Variants in ZFHX3 observed in about 807,000 individuals in gnomAD.
ZFHX3 encodes zinc finger homeobox 3.
A neutral mutation model predicts 279.1 loss-of-function variants in ZFHX3; 42 were observed. The observed-to-expected ratio is 0.15, with a 90% CI of 0.12 to 0.19. ZFHX3 has a LOEUF of 0.19. ZFHX3 is among the 10% of genes least tolerant of loss of function. The pLI, the probability that ZFHX3 is intolerant of heterozygous loss-of-function variation, is 1.00. For synonymous variants in ZFHX3, 2,293 were observed against 1,957.8 expected (o/e 1.17, Z -4.52); for missense variants, 4,981 against 4,754.0 (o/e 1.05, Z -1.40).
In ZFHX3 at chr16:73,150,910, G is replaced by A. The variant is rs116158385; in HGVS notation, c.-1103-7079C>T. On this transcript the variant is annotated intron_variant, in intron 5 of 17. Transcript: ENST00000641206. ...AATCACTGGCACAACTCAAGTGTGC[G>A]CGCAGATAAGAAACATGAATACAGT... 3.9e-3 allele frequency among the ~76,000 whole-genome samples: 596 copies of A among 152,220 alleles called. 2 individuals carry two copies. The highest frequency in any genetic ancestry group is 0.014 in the African/African-American group (574 of 41,544).
chr16:73,213,329 C>T (rs2012084901), intron 5 of ZFHX3, among the ~76,000 whole-genome samples: 1 of 152,190 alleles, frequency 6.6e-6, no homozygotes. Context: ...TACTTTGACA[C>T]CCTGCCTCAC....
intron 2 of ZFHX3, among the ~76,000 whole-genome samples, chr16:73,493,427 G>A (rs149435047): frequency 3.9e-4 from 59 of 152,266 alleles, no homozygotes; most frequent in African/African-American, 1.4e-3. Flanking sequence ...CTGAAAGAAA[G>A]CTTCATGTCA....
At chr16:73,757,082 C>T (rs1049313866) in intron 1 of ZFHX3, among the ~76,000 whole-genome samples, 6 of 152,058 alleles carry the variant, frequency 3.9e-5, no homozygotes, top group African/African-American at 1.4e-4. Flanking sequence ...TTCAGTGTCT[C>T]TTCTGAAGAA....
intron 1 of ZFHX3, among the ~76,000 whole-genome samples, chr16:72,980,072 G>A (rs1161136404): frequency 1.3e-5 from 2 of 152,214 alleles, no homozygotes; most frequent in Non-Finnish European, 2.9e-5. Flanking sequence ...GCTTGAGTGT[G>A]AGGCCAGCTA....
intron 1 of ZFHX3, among the ~76,000 whole-genome samples, chr16:73,022,230 A>T (rs1465279946): frequency 6.6e-6 from 1 of 152,034 alleles, no homozygotes; most frequent in African/African-American, 2.4e-5. Context: ...CACACATGGG[A>T]CTCTCAAACA....
At chr16:73,657,491 G>C (rs1398007997) in intron 2 of ZFHX3, among the ~76,000 whole-genome samples, 1 of 152,054 alleles carries the variant, frequency 6.6e-6, no homozygotes, top group Non-Finnish European at 1.5e-5. Context: ...CAATTCATTG[G>C]ATTTTCGTGT....
intron 2 of ZFHX3, among the ~76,000 whole-genome samples, chr16:73,461,815 A>C (rs2018476629): frequency 6.6e-6 from 1 of 152,034 alleles, no homozygotes; most frequent in African/African-American, 2.4e-5. Context: ...GATTCCTCTC[A>C]CTTTATTTTT....
At chr16:73,685,602 C>T (rs573735578) in intron 1 of ZFHX3, among the ~76,000 whole-genome samples, 1 of 152,320 alleles carries the variant, frequency 6.6e-6, no homozygotes, top group South Asian at 2.1e-4. Context: ...TTGTTTTAAG[C>T]CACCAAGTTT....
chr16:72,919,413 G>A (rs1373739972), intron 3 of ZFHX3, among the ~76,000 whole-genome samples: 1 of 152,060 alleles, frequency 6.6e-6, no homozygotes, highest in Non-Finnish European at 1.5e-5. Context: ...TATCTGCCTT[G>A]GCCTCCCAAA....
chr16:73,589,428 G>T (rs892238017), intron 2 of ZFHX3, among the ~76,000 whole-genome samples: 1 of 99,936 alleles, frequency 1.0e-5, no homozygotes, highest in African/African-American at 3.7e-5. Flanking sequence ...AGAGCAAGAC[G>T]CTCTTTCAAA....
intron 1 of ZFHX3, among the ~76,000 whole-genome samples, chr16:72,997,506 T>C (rs1963341330): frequency 6.6e-6 from 1 of 152,092 alleles, no homozygotes; most frequent in African/African-American, 2.4e-5. Context: ...TACACATCTG[T>C]CTCCTCACTT....
intron 8 of ZFHX3, among the ~76,000 whole-genome samples, chr16:73,079,422 G>A (rs1597149705): frequency 6.6e-6 from 1 of 152,102 alleles, no homozygotes; most frequent in Non-Finnish European, 1.5e-5. Flanking sequence ...CTATCTGGGA[G>A]GCTGAGTCAG....
At chr16:73,029,070 G>T (rs1964608229) in intron 1 of ZFHX3, among the ~76,000 whole-genome samples, 1 of 152,058 alleles carries the variant, frequency 6.6e-6, no homozygotes, top group Admixed American at 6.5e-5. Flanking sequence ...CCTTCCTCAA[G>T]CCCAGCAGCA....
At chr16:73,886,360 CA>C (rs1482652270) in intron 1 of ZFHX3, among the ~76,000 whole-genome samples, 1 of 151,974 alleles carries the variant, frequency 6.6e-6, no homozygotes, top group African/African-American at 2.4e-5. Context: ...CAGATAACCT[CA>C]AAAAAGCTTA....
chr16:73,363,220 A>C (rs1162752243), intron 3 of ZFHX3, among the ~76,000 whole-genome samples: 4 of 152,266 alleles, frequency 2.6e-5, no homozygotes, highest in African/African-American at 4.8e-5. Flanking sequence ...AGGGCAGCAG[A>C]AGAACAACTC....
chr16:73,307,791 G>C (rs2015216967), intron 4 of ZFHX3, among the ~76,000 whole-genome samples: 1 of 152,108 alleles, frequency 6.6e-6, no homozygotes, highest in Non-Finnish European at 1.5e-5. Context: ...CTAAAGTTCA[G>C]AGTTTGAAAA....
At chr16:73,278,915 C>T (rs547325545) in intron 4 of ZFHX3, among the ~76,000 whole-genome samples, 2 of 152,200 alleles carry the variant, frequency 1.3e-5, no homozygotes, top group African/African-American at 4.8e-5. Context: ...AGTCCCCTCT[C>T]GACCCAGGAA....
chr16:73,073,043 T>G (rs889054766), intron 8 of ZFHX3, among the ~76,000 whole-genome samples: 1 of 151,676 alleles, frequency 6.6e-6, no homozygotes, highest in East Asian at 2.0e-4. Context: ...ATTACAGGCA[T>G]GCACCACAAT....
chr16:73,111,621 GAGAGAGAGAAAGA>G (rs959396195), intron 7 of ZFHX3, among the ~76,000 whole-genome samples: 5 of 137,168 alleles, frequency 3.6e-5, no homozygotes, highest in African/African-American at 1.1e-4. Flanking sequence ...CAGAAAGAAA[GAGAGAGAGAAAGA>G]AGAGAGAGAA....
Sources: allele counts gnomAD v4.1 joint callset (sites outside exome capture counted in the v4.1 genomes callset), GRCh38; gene constraint gnomAD v4.1.1; transcripts MANE v1.5; gene names NCBI Gene and HGNC (gene_info 2026-07-23, HGNC 2026-07-21).